SYNE2: variants seen among roughly 807,000 people sequenced by gnomAD.
SYNE2 encodes the protein nesprin-2.
In SYNE2, 431 loss-of-function variants were observed where a neutral mutation model predicts 856.3. The ratio of observed to expected loss-of-function variants is 0.50; its 90% confidence interval spans 0.47 to 0.55. The LOEUF is 0.55. Among genes scored for constraint, SYNE2 ranks in the 20% least tolerant of loss-of-function variants. The pLI is 0.00. For missense variants in SYNE2, 8,129 were observed against 8,023.2 expected (o/e 1.01, Z -0.50); for synonymous variants, 2,923 against 2,872.3 (o/e 1.02, Z -0.56).
intron 99 of SYNE2, among the ~76,000 whole-genome samples, chr14:64,196,150 C>CA (rs568733835): frequency 1.4e-4 from 22 of 152,116 alleles, no homozygotes; most frequent in Non-Finnish European, 2.5e-4. Flanking sequence ...GAACTATTGC[C>CA]AGATCTGCAC....
chr14:64,124,944 A>G, intron 70 of SYNE2, 135 bp from the exon 71 acceptor site: 1 of 1,058,976 alleles, frequency 9.4e-7, no homozygotes, highest in South Asian at 1.6e-5. Context: ...CAGAGGTTTC[A>G]GTGAGAGGAG....
At chr14:64,005,439 A>G (rs915984624) in intron 30 of SYNE2, among the ~76,000 whole-genome samples, 1 of 152,144 alleles carries the variant, frequency 6.6e-6, no homozygotes, top group African/African-American at 2.4e-5. Flanking sequence ...GGGGTGTAAA[A>G]GAGATATTGG....
chr14:63,990,747 A>T (rs1240417779), intron 20 of SYNE2, among the ~76,000 whole-genome samples, 178 bp downstream of exon 20: 8 of 152,240 alleles, frequency 5.3e-5, no homozygotes, highest in Admixed American at 5.2e-4. Context: ...AAGTATCATA[A>T]GTATCATAGT....
At chr14:64,133,184 C>T (rs1356222227) in intron 77 of SYNE2, among the ~76,000 whole-genome samples, 4 of 148,486 alleles carry the variant, frequency 2.7e-5, no homozygotes, top group East Asian at 3.9e-4. Context: ...CCAGCCTGGG[C>T]GACAGAGCGA....
intron 2 of SYNE2, among the ~76,000 whole-genome samples, chr14:63,935,521 T>C (rs566697234): frequency 2.0e-5 from 3 of 152,304 alleles, no homozygotes; most frequent in East Asian, 1.9e-4. Context: ...TGTCATACTT[T>C]TGCACATATT....
At chr14:64,018,330 C>G (rs915607701) in intron 34 of SYNE2, among the ~76,000 whole-genome samples, 1 of 152,178 alleles carries the variant, frequency 6.6e-6, no homozygotes, top group Non-Finnish European at 1.5e-5. Context: ...ACCTCCGCCT[C>G]CTAGGTTCAC....
chr14:63,854,371 C>T (rs1037724080), intron 1 of SYNE2, among the ~76,000 whole-genome samples: 4 of 152,126 alleles, frequency 2.6e-5, no homozygotes, highest in Non-Finnish European at 5.9e-5. Flanking sequence ...TAAACATGTT[C>T]AGAGGAGAGT....
rs1466601646 is a variant in SYNE2, at chr14:64,056,201, G to A, written c.10002G>A (p.Gln3334=). Residue 3334 remains glutamine, a synonymous_variant, in exon 49 of 116, where the codon CAG becomes CAA. Coordinates refer to ENST00000555002, the MANE Select transcript of SYNE2 (RefSeq NM_182914.3). ...AACTACAACTTCAGTATACTTTACA[G>A]GAACTAGTTTCTAAGAACTCAGCAA... The part of the protein sequence containing the change: ...EAKLQLQYTL[Q]ELVSKNSAMK... 1.2e-6 allele frequency: 2 copies of A among 1,613,942 alleles called. No individual in the cohort carries two copies. The highest frequency in any genetic ancestry group is 1.7e-6 in the Non-Finnish European group (2 of 1,180,002).
At chr14:64,219,096 G>C (rs1048066509) in intron 109 of SYNE2, 112 bp from the exon 110 acceptor site, 1 of 758,460 alleles carries the variant, frequency 1.3e-6, no homozygotes, top group Non-Finnish European at 1.9e-6. Flanking sequence ...ATCCCCTACA[G>C]TTTTTTTGTT....
At chr14:64,131,149 A>T (rs1265664578) in intron 76 of SYNE2, among the ~76,000 whole-genome samples, 1 of 152,126 alleles carries the variant, frequency 6.6e-6, no homozygotes, top group Non-Finnish European at 1.5e-5. Context: ...AAAGGTAAAT[A>T]TTGTATGAAG....
intron 1 of SYNE2, among the ~76,000 whole-genome samples, chr14:63,771,162 C>T (rs1408058970): frequency 6.6e-6 from 1 of 151,400 alleles, no homozygotes; most frequent in Non-Finnish European, 1.5e-5. Flanking sequence ...CTCCGCCTCC[C>T]GGGTTCACGC....
intron 1 of SYNE2, among the ~76,000 whole-genome samples, chr14:63,785,002 C>T (rs928602513): frequency 3.3e-5 from 5 of 151,912 alleles, no homozygotes; most frequent in Admixed American, 3.3e-4. Flanking sequence ...AACACAAGCT[C>T]TTTGTGTTAA....
chr14:64,142,149 AATGCTGGAC>A, intron 82 of SYNE2, 61 bp downstream of exon 82: 1 of 1,588,830 alleles, frequency 6.3e-7, no homozygotes, highest in Non-Finnish European at 8.6e-7. Context: ...TCAGAGGGGT[AATGCTGGAC>A]AAAGGGACAC....
At chr14:63,944,300 A>G (rs1006988435) in intron 6 of SYNE2, among the ~76,000 whole-genome samples, 1 of 147,658 alleles carries the variant, frequency 6.8e-6, no homozygotes, top group African/African-American at 2.5e-5. Flanking sequence ...ATATATATAT[A>G]TATATATAAA....
rs945025 is a variant in SYNE2 at position 63,950,166 on chromosome 14, G to A, written c.590+160G>A. Among the ~76,000 whole-genome samples the A allele has an allele frequency of 0.47, 71,872 of 151,930 alleles. 18,313 individuals carry two copies. The highest frequency in any genetic ancestry group is 0.56 in the Non-Finnish European group (37,799 of 67,962). On this transcript the variant is annotated intron_variant, in intron 7 of 115. Transcript: ENST00000555002. The stretch of plus-strand genomic sequence containing the variant: ...CGTGGAAGCCCAAGAGCTCAGCCAC[G>A]TTTGGTTTCAAAGTCTGGAAGGTGG...
chr14:64,136,375 T>TA (rs1451764309), intron 78 of SYNE2, among the ~76,000 whole-genome samples: 2 of 150,306 alleles, frequency 1.3e-5, no homozygotes, highest in Non-Finnish European at 3.0e-5. Flanking sequence ...GCACTTCACT[T>TA]AGAAAATTAG....
chr14:63,861,230 C>T (rs920043805), intron 1 of SYNE2, among the ~76,000 whole-genome samples: 4 of 150,276 alleles, frequency 2.7e-5, no homozygotes, highest in Admixed American at 6.7e-5. Flanking sequence ...CTGCAACCTT[C>T]GCCTCCTGGG....
intron 60 of SYNE2, 111 bp from the exon 61 acceptor site, chr14:64,093,238 T>C: frequency 8.2e-7 from 1 of 1,218,948 alleles, no homozygotes; most frequent in South Asian, 1.3e-5. Context: ...TCTCAATGGG[T>C]GCATATTTGC....
intron 1 of SYNE2, among the ~76,000 whole-genome samples, chr14:63,864,011 C>T (rs1332956296): frequency 1.3e-5 from 2 of 152,002 alleles, no homozygotes; most frequent in Non-Finnish European, 2.9e-5. Flanking sequence ...TTCGTAGAAA[C>T]GGGGTTAGCC....
Sources: gnomAD v4.1 joint callset for allele counts (sites outside exome capture counted in the v4.1 genomes callset) on GRCh38, gnomAD v4.1.1 for gene constraint, MANE v1.5 for transcripts, NCBI Gene and HGNC (gene_info 2026-07-23, HGNC 2026-07-21) for gene names.